Variants in SNAP25 observed in about 807,000 individuals in gnomAD.
SNAP25 encodes synaptosomal-associated protein 25.
Under a neutral mutation model 28.7 loss-of-function variants are expected in SNAP25, and 3 were observed. The ratio of observed to expected loss-of-function variants is 0.10; its 90% CI spans 0.05 to 0.27. SNAP25 has a LOEUF of 0.27. SNAP25 is among the 10% of genes least tolerant of loss of function. The pLI is 1.00. For synonymous variants in SNAP25, 61 were observed against 88.1 expected, an observed-to-expected ratio of 0.69 and a Z score of 1.72; for missense variants, 117 against 278.7, an observed-to-expected ratio of 0.42 and a Z score of 4.13.
At chr20:10,221,270 G>A (rs1171205050) in intron 1 of SNAP25, among the ~76,000 whole-genome samples, 1 of 152,198 alleles carries the variant, frequency 6.6e-6, no homozygotes, top group African/African-American at 2.4e-5. Context: ...GGGAAGTAGA[G>A]GACCGCAGTG....
At chr20:10,300,411 T>C (rs2064207575) in intron 7 of SNAP25, among the ~76,000 whole-genome samples, 1 of 152,204 alleles carries the variant, frequency 6.6e-6, no homozygotes, top group Non-Finnish European at 1.5e-5. Flanking sequence ...ACATTATAGA[T>C]TTAACGATAA....
chr20:10,292,047 T>TG (rs1412009223), intron 4 of SNAP25, among the ~76,000 whole-genome samples: 1 of 152,236 alleles, frequency 6.6e-6, no homozygotes, highest in African/African-American at 2.4e-5. Context: ...TCAGCTATGC[T>TG]GGCAGCAGTG....
intron 1 of SNAP25, among the ~76,000 whole-genome samples, chr20:10,253,454 C>T (rs1403842838): frequency 6.6e-6 from 1 of 152,106 alleles, no homozygotes; most frequent in Admixed American, 6.6e-5. Flanking sequence ...TTTTGGTTTC[C>T]TATCTATAAA....
chr20:10,290,473 G>C (rs2063972305), intron 4 of SNAP25, among the ~76,000 whole-genome samples: 1 of 152,066 alleles, frequency 6.6e-6, no homozygotes, highest in Non-Finnish European at 1.5e-5. Flanking sequence ...GCAGAGCCCA[G>C]CTTTCTGAAA....
At chr20:10,244,841 C>T (rs1340260595) in intron 1 of SNAP25, among the ~76,000 whole-genome samples, 4 of 151,842 alleles carry the variant, frequency 2.6e-5, no homozygotes, top group East Asian at 3.9e-4. Flanking sequence ...AGCGATTCTC[C>T]TGCCTCAGCC....
intron 1 of SNAP25, among the ~76,000 whole-genome samples, chr20:10,273,246 C>T (rs895444095): frequency 2.5e-4 from 38 of 151,920 alleles, no homozygotes; most frequent in Admixed American, 6.6e-5. Flanking sequence ...GCCCCAAGGC[C>T]CCAAATCTAA....
At chr20:10,280,105 C>G (rs6074115) in intron 3 of SNAP25, among the ~76,000 whole-genome samples, 1 of 152,182 alleles carries the variant, frequency 6.6e-6, no homozygotes, top group African/African-American at 2.4e-5. Flanking sequence ...GAGCTGAATC[C>G]TTATTGAAAT....
intron 1 of SNAP25, among the ~76,000 whole-genome samples, chr20:10,275,223 A>G (rs2063670157): frequency 6.6e-6 from 1 of 152,142 alleles, no homozygotes; most frequent in African/African-American, 2.4e-5. Flanking sequence ...ATAGGTGTCT[A>G]TCTCCATGGC....
intron 1 of SNAP25, among the ~76,000 whole-genome samples, chr20:10,241,631 G>GT (rs1429011124): frequency 6.6e-6 from 1 of 152,162 alleles, no homozygotes; most frequent in East Asian, 1.9e-4. Context: ...AGGAGGAGAT[G>GT]TTTATGCTGA....
chr20:10,254,607 G>A (rs1230966854), intron 1 of SNAP25, among the ~76,000 whole-genome samples: 1 of 152,204 alleles, frequency 6.6e-6, no homozygotes, highest in Non-Finnish European at 1.5e-5. Context: ...CTGCTCTGAA[G>A]TTCTTAGAAA....
At chr20:10,243,097 A>T (rs767678855) in intron 1 of SNAP25, among the ~76,000 whole-genome samples, 1 of 152,306 alleles carries the variant, frequency 6.6e-6, no homozygotes, top group South Asian at 2.1e-4. Context: ...AGCTCTTTAG[A>T]ATGTAGATCA....
At chr20:10,240,359 A>T (rs2063004090) in intron 1 of SNAP25, among the ~76,000 whole-genome samples, 1 of 152,148 alleles carries the variant, frequency 6.6e-6, no homozygotes, top group Admixed American at 6.5e-5. Context: ...TTTTTTACTT[A>T]TCTCAAAATC....
intron 1 of SNAP25, among the ~76,000 whole-genome samples, chr20:10,226,174 A>G (rs1187641215): frequency 6.6e-6 from 1 of 152,168 alleles, no homozygotes. Flanking sequence ...GTATAGGTAA[A>G]TCACACTGTG....
At position 10,306,808 on chromosome 20, in the gene SNAP25, C is replaced by T. The variant is rs2064371220; in HGVS notation, c.*611C>T. Reference sequence around the variant, plus strand: ...AGTAGCATACTGATGAGACAACACACACACACACAAAACAACAGCAACAAC... The same window carrying T: ...AGTAGCATACTGATGAGACAACACATACACACACAAAACAACAGCAACAAC... On this transcript the variant is annotated 3_prime_UTR_variant, in exon 8 of 8. Coordinates refer to ENST00000254976, the MANE Select transcript of SNAP25 (RefSeq NM_130811.4). The T allele has an allele frequency of 6.5e-6, 1 of 154,642 alleles. No individual in the cohort carries two copies. Among genetic ancestry groups the T allele is most frequent in the African/African-American group, 2.4e-5 (1 of 41,486 alleles). 9.6% of individuals were successfully genotyped at this position (154,642 alleles called of 1,614,324 possible). A position where few individuals can be genotyped will look rare whatever the true frequency, so the allele number is the denominator to read the frequency against.
chr20:10,283,251 C>T (rs914639638), intron 3 of SNAP25, among the ~76,000 whole-genome samples: 5 of 152,200 alleles, frequency 3.3e-5, no homozygotes, highest in African/African-American at 4.8e-5. Context: ...ATTTGTTTAA[C>T]GCACATACTT....
intron 4 of SNAP25, among the ~76,000 whole-genome samples, chr20:10,285,781 G>A (rs997275709): frequency 6.6e-6 from 1 of 151,986 alleles, no homozygotes; most frequent in Admixed American, 6.6e-5. Flanking sequence ...CAACCTAAAG[G>A]AAAAATGGAT....
chr20:10,300,732 T>A (rs1376643397), intron 7 of SNAP25, among the ~76,000 whole-genome samples: 5 of 152,228 alleles, frequency 3.3e-5, no homozygotes, highest in Non-Finnish European at 7.3e-5. Context: ...GTATGAAAAC[T>A]ACGCAAACTT....
chr20:10,257,369 G>T (rs1205493324), intron 1 of SNAP25, among the ~76,000 whole-genome samples: 1 of 152,210 alleles, frequency 6.6e-6, no homozygotes, highest in South Asian at 2.1e-4. Context: ...TCAGAAATTC[G>T]AGACAAGCCG....
chr20:10,299,704 G>A (rs1038056487), intron 7 of SNAP25, among the ~76,000 whole-genome samples: 2 of 152,176 alleles, frequency 1.3e-5, no homozygotes, highest in Admixed American at 6.5e-5. Context: ...CACCCCTACT[G>A]CCAAGAAATT....
Sources: gnomAD v4.1 joint callset for allele counts (sites outside exome capture counted in the v4.1 genomes callset) on GRCh38, gnomAD v4.1.1 for gene constraint, MANE v1.5 for transcripts, NCBI Gene and HGNC (gene_info 2026-07-23, HGNC 2026-07-21) for gene names.